WDFY2: variants seen among roughly 807,000 people sequenced by gnomAD.
The protein encoded by WDFY2 is WD repeat and FYVE domain containing 2.
Under a neutral mutation model 56.4 loss-of-function variants are expected in WDFY2, and 36 were observed. The observed-to-expected ratio is 0.64, with a 90% CI of 0.49 to 0.84. The LOEUF (loss-of-function observed/expected upper bound fraction) is 0.84, where lower values mean the gene tolerates loss of function less well. Among genes scored for constraint, WDFY2 ranks in the 40% least tolerant of loss-of-function variants. The pLI is 0.00. For missense variants in WDFY2, 444 were observed against 512.2 expected (o/e 0.87, Z 1.29); for synonymous variants, 176 against 183.7 (o/e 0.96, Z 0.34).
intron 3 of WDFY2, among the ~76,000 whole-genome samples, chr13:51,702,931 G>T (rs12428714): frequency 0.017 from 2,516 of 152,288 alleles, 73 homozygotes; most frequent in Admixed American, 0.058. Flanking sequence ...CACTGTATAC[G>T]CAGATGCATG....
intron 2 of WDFY2, among the ~76,000 whole-genome samples, chr13:51,665,799 G>A (rs1448291424): frequency 6.6e-6 from 1 of 152,206 alleles, no homozygotes; most frequent in Non-Finnish European, 1.5e-5. Context: ...TGTGGGTTCT[G>A]TTCCTGCCAG....
In WDFY2 at chr13:51,758,239, A is replaced by C; in HGVS notation, c.1112A>C (p.His371Pro). 1 of 1,600,462 alleles carries C rather than the reference A, an allele frequency of 6.2e-7. No homozygotes were observed. Among genetic ancestry groups the C allele is most frequent in the Non-Finnish European group, 8.6e-7 (1 of 1,169,530 alleles). ...TFHDSKHNIVHVHFDATRGWL... is the reference protein window; with the variant it reads ...TFHDSKHNIVPVHFDATRGWL... ...CATGACAGTAAACATAACATTGTGC[A>C]TGTGCATTTCGATGCAACCAGAGGA... The change falls in exon 11 of 12, where the codon CAT (histidine) becomes CCT (proline). Residue 371 changes from histidine to proline, a missense_variant. Physicochemically the swap from His to Pro is moderately conservative, Grantham distance 77 (BLOSUM62 -2). Coordinates refer to ENST00000298125, the MANE Select transcript of WDFY2 (RefSeq NM_052950.4).
intron 1 of WDFY2, among the ~76,000 whole-genome samples, chr13:51,640,606 T>C (rs1008653468): frequency 2.2e-4 from 34 of 152,170 alleles, no homozygotes; most frequent in African/African-American, 7.0e-4. Flanking sequence ...CTCAGCACTT[T>C]AGGAGGCTGA....
chr13:51,653,888 A>G (rs1456657453), intron 1 of WDFY2, among the ~76,000 whole-genome samples: 1 of 152,220 alleles, frequency 6.6e-6, no homozygotes, highest in African/African-American at 2.4e-5. Flanking sequence ...GTCCGTTCTC[A>G]GATCTCAAGC....
intron 1 of WDFY2, among the ~76,000 whole-genome samples, chr13:51,616,862 C>T (rs1313906539): frequency 6.6e-6 from 1 of 152,118 alleles, no homozygotes; most frequent in East Asian, 1.9e-4. Flanking sequence ...GCACATAGTT[C>T]TAAGTGTTTT....
rs1474188232 is a variant in WDFY2, at chr13:51,654,838, T to TTTATATACTGTACTTTTATTTTTAGGTG, written c.138-5756_138-5729dup. 1.5e-4 allele frequency among the ~76,000 whole-genome samples: 23 copies of TTTATATACTGTACTTTTATTTTTAGGTG among 152,290 alleles called. No individual in the cohort carries two copies. In the East Asian group the frequency reaches 4.2e-3, roughly 28 times the overall value. On this transcript the variant is annotated intron_variant, in intron 1 of 11. Coordinates refer to ENST00000298125, the MANE Select transcript of WDFY2 (RefSeq NM_052950.4). ...CTCAGGAGATAAGAGAACAGATATT[T>TTTATATACTGTACTTTTATTTTTAGGTG]TTATATACTGTACTTTTATTTTTAG...
intron 5 of WDFY2, among the ~76,000 whole-genome samples, chr13:51,719,850 G>A (rs58078212): frequency 0.051 from 7,713 of 152,190 alleles, 241 homozygotes; most frequent in Middle Eastern, 0.082. Flanking sequence ...ACATGGTAAT[G>A]TTAAAAGCTT....
chr13:51,674,974 A>G (rs1010814091), intron 2 of WDFY2, among the ~76,000 whole-genome samples, 196 bp from the exon 3 acceptor site: 7 of 152,240 alleles, frequency 4.6e-5, no homozygotes, highest in Admixed American at 2.6e-4. Context: ...TGTTATATTC[A>G]TTAAAAGGAT....
At chr13:51,637,492 A>G (rs1375413992) in intron 1 of WDFY2, among the ~76,000 whole-genome samples, 1 of 151,496 alleles carries the variant, frequency 6.6e-6, no homozygotes, top group African/African-American at 2.4e-5. Flanking sequence ...TTTTTGACCT[A>G]TGAAATCCAA....
chr13:51,700,951 G>A (rs1951971464), intron 3 of WDFY2, among the ~76,000 whole-genome samples: 1 of 151,882 alleles, frequency 6.6e-6, no homozygotes, highest in South Asian at 2.1e-4. Flanking sequence ...TGGGCAACAA[G>A]AGCGAAGCTC....
intron 2 of WDFY2, among the ~76,000 whole-genome samples, chr13:51,663,984 G>A (rs1020471389): frequency 6.6e-6 from 1 of 152,150 alleles, no homozygotes; most frequent in African/African-American, 2.4e-5. Context: ...TTTAAATATA[G>A]TGTTTGTCAT....
chr13:51,619,908 T>C (rs1266752441), intron 1 of WDFY2, among the ~76,000 whole-genome samples: 3 of 152,254 alleles, frequency 2.0e-5, no homozygotes, highest in Non-Finnish European at 1.5e-5. Context: ...GAGACTCGCC[T>C]ACTTGTTCAT....
chr13:51,687,832 T>C (rs982706406), intron 3 of WDFY2, among the ~76,000 whole-genome samples: 2 of 152,076 alleles, frequency 1.3e-5, no homozygotes, highest in African/African-American at 4.8e-5. Flanking sequence ...AGCTAGAGTC[T>C]CTTGAAATTC....
intron 3 of WDFY2, among the ~76,000 whole-genome samples, chr13:51,685,536 T>C (rs1032418656): frequency 6.6e-6 from 1 of 152,146 alleles, no homozygotes; most frequent in Non-Finnish European, 1.5e-5. Flanking sequence ...TAAAGTAAGC[T>C]GAAGAAAAGA....
chr13:51,589,688 A>C (rs901055859), intron 1 of WDFY2: 3 of 152,156 alleles, frequency 2.0e-5, no homozygotes, highest in Non-Finnish European at 4.4e-5. Context: ...AAAGTTGAGG[A>C]CTTTTCAGAG....
In WDFY2 at chr13:51,762,605, GTGTCTT is replaced by G. The variant is rs1953621235; in HGVS notation, c.*2837_*2842del. ...GTAGAGAAATATGTGCTGGTGTTGGGTGTCTTCCAAGCATTTTATGGAAATGGAGGC... is the reference window on the plus strand; with the variant it reads ...GTAGAGAAATATGTGCTGGTGTTGGGCCAAGCATTTTATGGAAATGGAGGC... On this transcript the variant is annotated 3_prime_UTR_variant, in exon 12 of 12. Coordinates refer to ENST00000298125, the MANE Select transcript of WDFY2 (RefSeq NM_052950.4). The G allele has an allele frequency of 6.6e-6, 1 of 152,212 alleles. No homozygotes were observed. The highest frequency in any genetic ancestry group is 1.5e-5 in the Non-Finnish European group (1 of 68,040). The allele number at this position is 152,212 out of a possible 1,614,324, so 9.4% of individuals were successfully genotyped here. A position where few individuals can be genotyped will look rare whatever the true frequency, so the allele number is the denominator to read the frequency against.
chr13:51,597,103 A>T (rs1017106805), intron 1 of WDFY2, among the ~76,000 whole-genome samples: 4 of 152,132 alleles, frequency 2.6e-5, no homozygotes, highest in African/African-American at 9.7e-5. Flanking sequence ...TTTTCTTTTT[A>T]AAAATGTTCT....
At chr13:51,632,341 T>G (rs1351273359) in intron 1 of WDFY2, among the ~76,000 whole-genome samples, 1 of 152,162 alleles carries the variant, frequency 6.6e-6, no homozygotes, top group Non-Finnish European at 1.5e-5. Context: ...TTTTGAGTTC[T>G]GTTTTTTTTC....
At chr13:51,613,637 C>T (rs1396688413) in intron 1 of WDFY2, among the ~76,000 whole-genome samples, 5 of 152,084 alleles carry the variant, frequency 3.3e-5, no homozygotes, top group African/African-American at 9.7e-5. Flanking sequence ...GACAAAAATA[C>T]ATACTCAGTC....
Sources: gnomAD v4.1 joint callset for allele counts (sites outside exome capture counted in the v4.1 genomes callset) on GRCh38, gnomAD v4.1.1 for gene constraint, MANE v1.5 for transcripts, NCBI Gene and HGNC (gene_info 2026-07-23, HGNC 2026-07-21) for gene names.